Variants in MMP26 observed in about 807,000 individuals in gnomAD.
MMP26 encodes the protein matrix metalloproteinase-26.
MMP26 carries 33 observed loss-of-function variants against 31.0 expected under a neutral mutation model. That is an observed-to-expected ratio of 1.06 (90% confidence interval 0.81 to 1.42). The LOEUF (loss-of-function observed/expected upper bound fraction) is 1.42. Ranked by LOEUF, MMP26 falls within the 40% of genes most tolerant of loss-of-function variation. The probability of loss-of-function intolerance (pLI) is 0.00; values close to 1 mark genes in which losing one functional copy is unlikely to be tolerated. For synonymous variants in MMP26, 122 were observed against 114.9 expected (o/e 1.06, Z -0.40); for missense variants, 347 against 316.1 (o/e 1.10, Z -0.74).
chr11:4,810,751 G>A (rs1005764647), intron 2 of MMP26, among the ~76,000 whole-genome samples: 1 of 152,220 alleles, frequency 6.6e-6, no homozygotes, highest in African/African-American at 2.4e-5. Flanking sequence ...TGTTAGGCCG[G>A]AAGGCCCTCT....
intron 2 of MMP26, among the ~76,000 whole-genome samples, chr11:4,815,841 A>C (rs1849413296): frequency 6.6e-6 from 1 of 152,244 alleles, no homozygotes. Flanking sequence ...GAGTGATGTC[A>C]GAAATTTAGA....
At chr11:4,831,141 C>T (rs938467786) in intron 2 of MMP26, among the ~76,000 whole-genome samples, 7 of 152,158 alleles carry the variant, frequency 4.6e-5, no homozygotes, top group Admixed American at 4.6e-4. Flanking sequence ...CCACCACTTT[C>T]TAGTTTCTTC....
intron 2 of MMP26, chr11:4,794,952 C>A (rs1227446809): frequency 3.3e-5 from 5 of 152,326 alleles, no homozygotes; most frequent in Admixed American, 2.6e-4. Context: ...AGATGAACAC[C>A]TCTACTGTCC....
intron 2 of MMP26, among the ~76,000 whole-genome samples, chr11:4,920,481 C>T (rs1426165525): frequency 6.6e-6 from 1 of 152,174 alleles, no homozygotes; most frequent in Non-Finnish European, 1.5e-5. Flanking sequence ...TTGGGCTTTA[C>T]ACCAAACTCA....
At chr11:4,983,213 C>G (rs898102320) in intron 2 of MMP26, among the ~76,000 whole-genome samples, 3 of 152,168 alleles carry the variant, frequency 2.0e-5, no homozygotes, top group Non-Finnish European at 4.4e-5. Context: ...CTGTGCTGTA[C>G]TGGGGCATCG....
In MMP26 at chr11:4,989,698, C is replaced by G; in HGVS notation, c.150C>G (p.Thr50=). 4 of 1,613,752 alleles carry G rather than the reference C, an allele frequency of 2.5e-6. No homozygotes were observed. The highest frequency in any genetic ancestry group is 3.4e-6 in the Non-Finnish European group (4 of 1,179,994). Residue 50 remains threonine (T), a synonymous_variant, in exon 4 of 8, where the codon ACC becomes ACG. Transcript: ENST00000380390. The stretch of plus-strand genomic sequence containing the variant: ...CCAAGAAGGAGTCGCCACTCCTTAC[C>G]CAGGAGACACAAACACAGCTCCTGC... ...FLTKKESPLL[T]QETQTQLLQQ...
chr11:4,810,249 T>G (rs1849331880), intron 2 of MMP26, among the ~76,000 whole-genome samples: 2 of 151,852 alleles, frequency 1.3e-5, no homozygotes, highest in South Asian at 4.2e-4. Flanking sequence ...TTTTTTTTAG[T>G]CGGAGTACAT....
rs1589905125 is a variant in MMP26 at position 4,802,902 on chromosome 11, G to GTAAT, written c.-145+35561_-145+35562insTAAT. ...GGCACCTGATATTCAACAGAGTATT[G>GTAAT]CTTCATCTGTAATCTTATAGGACAA... On this transcript the variant is annotated intron_variant, in intron 2 of 7. Transcript: ENST00000380390. Among the ~76,000 whole-genome samples, 6 of 152,180 alleles carry GTAAT rather than the reference G, an allele frequency of 3.9e-5. No homozygotes were observed. In the East Asian group the frequency reaches 1.2e-3, roughly 29 times the overall value.
chr11:4,819,826 C>T (rs61882260), intron 2 of MMP26, among the ~76,000 whole-genome samples: 8 of 152,084 alleles, frequency 5.3e-5, no homozygotes, highest in South Asian at 2.1e-4. Flanking sequence ...GTGATCCTCC[C>T]GCCTCGACCT....
At chr11:4,769,750 A>G (rs772801513) in intron 2 of MMP26, 32 of 1,613,758 alleles carry the variant, frequency 2.0e-5, no homozygotes, top group South Asian at 5.5e-5. Context: ...GTTCATGGAG[A>G]CTCTGCTGGG....
At chr11:4,721,416 T>C (rs1281201072) in intron 1 of MMP26, among the ~76,000 whole-genome samples, 1 of 152,218 alleles carries the variant, frequency 6.6e-6, no homozygotes, top group African/African-American at 2.4e-5. Context: ...TTCTACCAAA[T>C]ATCTACTTCT....
chr11:4,803,780 T>A (rs6578533), intron 2 of MMP26: 526,993 of 1,612,100 alleles, frequency 0.33, 92,401 homozygotes, highest in African/African-American at 0.52. Context: ...AAGAGCCCAT[T>A]CCCACGACTT....
At chr11:4,879,937 A>T (rs1850434941) in intron 2 of MMP26, among the ~76,000 whole-genome samples, 1 of 152,090 alleles carries the variant, frequency 6.6e-6, no homozygotes, top group South Asian at 2.1e-4. Context: ...TCCTTAGCCT[A>T]AGGCTGGGTA....
intron 2 of MMP26, among the ~76,000 whole-genome samples, chr11:4,917,884 T>C (rs1449472512): frequency 1.3e-5 from 2 of 151,882 alleles, no homozygotes; most frequent in East Asian, 3.9e-4. Flanking sequence ...TGACAAATAG[T>C]AGATACTCTT....
intron 2 of MMP26, among the ~76,000 whole-genome samples, chr11:4,887,184 G>A (rs899621445): frequency 9.9e-5 from 15 of 151,812 alleles, no homozygotes; most frequent in African/African-American, 3.1e-4. Flanking sequence ...CAATTTTACA[G>A]CTGTTTAATA....
At chr11:4,841,375 A>G (rs1028288956) in intron 2 of MMP26, among the ~76,000 whole-genome samples, 8 of 152,194 alleles carry the variant, frequency 5.3e-5, no homozygotes, top group African/African-American at 1.4e-4. Context: ...GCATTTAATA[A>G]TCAAATTCCC....
intron 2 of MMP26, among the ~76,000 whole-genome samples, chr11:4,841,841 G>A (rs1849800768): frequency 6.6e-6 from 1 of 152,202 alleles, no homozygotes; most frequent in African/African-American, 2.4e-5. Flanking sequence ...GCTGAGGCAG[G>A]AGAATCACTT....
intron 2 of MMP26, chr11:4,848,955 A>G: frequency 1.2e-6 from 2 of 1,614,118 alleles, no homozygotes; most frequent in South Asian, 1.1e-5. Context: ...TGTGGGCATC[A>G]GGGCAGTGAC....
chr11:4,966,265 A>G (rs1846593419), intron 2 of MMP26, among the ~76,000 whole-genome samples: 1 of 152,170 alleles, frequency 6.6e-6, no homozygotes, highest in Non-Finnish European at 1.5e-5. Context: ...CAGAGCAGTG[A>G]TGGGCAGGAG....
Sources: allele counts gnomAD v4.1 joint callset (sites outside exome capture counted in the v4.1 genomes callset), GRCh38; gene constraint gnomAD v4.1.1; transcripts MANE v1.5; gene names NCBI Gene and HGNC (gene_info 2026-07-23, HGNC 2026-07-21).